The following CNTNAP4 variants were observed in gnomAD, a reference collection of about 807,000 sequenced individuals.
CNTNAP4 encodes contactin-associated protein-like 4.
A neutral mutation model predicts 148.4 loss-of-function variants in CNTNAP4; 98 were observed. That is an observed-to-expected ratio of 0.66 (90% CI 0.56 to 0.78). CNTNAP4 has a LOEUF of 0.78. Among genes scored for constraint, CNTNAP4 ranks in the 30% least tolerant of loss-of-function variants. CNTNAP4 has a pLI of 0.00. For missense variants in CNTNAP4, 1,935 were observed against 1,565.6 expected (o/e 1.24, Z -3.98); for synonymous variants, 730 against 565.1 (o/e 1.29, Z -4.14).
rs898508961 is a variant in CNTNAP4, at chr16:76,326,062, T to C, written c.196+9539T>C. 2.0e-5 allele frequency among the ~76,000 whole-genome samples: 3 copies of C among 152,172 alleles called. No individual in the cohort carries two copies. In the East Asian group the frequency reaches 5.8e-4, roughly 29 times the overall value. On this transcript the variant is annotated intron_variant, in intron 2 of 23. Transcript: ENST00000611870. ...AACATATTTAAGGAAGATATGACTG[T>C]AAACTTACACATTCTCTCCCAGAGA...
chr16:76,330,706 A>C (rs561515631), intron 2 of CNTNAP4, among the ~76,000 whole-genome samples: 3 of 152,342 alleles, frequency 2.0e-5, no homozygotes, highest in Non-Finnish European at 2.9e-5. Flanking sequence ...TATACTTATT[A>C]GATTTGCTCT....
In CNTNAP4 at chr16:76,294,128, C is replaced by G. The variant is rs142648063; in HGVS notation, c.85+16381C>G. On this transcript the variant is annotated intron_variant, in intron 1 of 23. Transcript: ENST00000611870. ...CCCACTCATTCAACTTCTGAAACAG[C>G]TACATGTGAGTTTCTTCTTCCAGTC... Among the ~76,000 whole-genome samples, 7 of 152,198 alleles carry G rather than the reference C, an allele frequency of 4.6e-5. No individual in the cohort carries two copies. The East Asian group carries it at 1.4e-3, about 29-fold the overall frequency.
chr16:76,524,723 C>G (rs895588077), intron 17 of CNTNAP4, among the ~76,000 whole-genome samples: 1 of 152,076 alleles, frequency 6.6e-6, no homozygotes, highest in African/African-American at 2.4e-5. Flanking sequence ...AGGCCTTTGA[C>G]CTCACTGTAT....
chr16:76,509,040 C>T lies in CNTNAP4; in HGVS notation c.2365+10346C>T, dbSNP rs1255094853. On this transcript the variant is annotated intron_variant, in intron 15 of 23. Coordinates refer to ENST00000611870, the MANE Select transcript of CNTNAP4 (RefSeq NM_033401.5). ...TGCTGGGATTACAGGCGTGAGCCACCGTGCCTGGCCAAAATCATAACTTTT... is the reference window on the plus strand; with the variant it reads ...TGCTGGGATTACAGGCGTGAGCCACTGTGCCTGGCCAAAATCATAACTTTT... Among the ~76,000 whole-genome samples, 8 of 97,088 alleles carry T rather than the reference C, an allele frequency of 8.2e-5. 3 individuals are homozygous for T. The highest frequency in any genetic ancestry group is 1.8e-4 in the Non-Finnish European group (6 of 34,252). The allele number at this position is 97,088 out of a possible 152,430, so 63.7% of individuals were successfully genotyped here.
At chr16:76,522,696 CTT>C (rs760832547) in intron 17 of CNTNAP4, among the ~76,000 whole-genome samples, 4,018 of 26,116 alleles carry the variant, frequency 0.15, 698 homozygotes, top group African/African-American at 0.19. Context: ...CCTTTCTTTT[CTT>C]TTCTTTTCTT....
At chr16:76,464,791 A>G (rs571205038) in intron 9 of CNTNAP4, among the ~76,000 whole-genome samples, 45 of 152,062 alleles carry the variant, frequency 3.0e-4, no homozygotes, top group Non-Finnish European at 4.4e-4. Context: ...TCCATCCATC[A>G]CTTTTTACTC....
chr16:76,351,590 G>T (rs1278379012), intron 2 of CNTNAP4, among the ~76,000 whole-genome samples: 2 of 152,120 alleles, frequency 1.3e-5, no homozygotes, highest in African/African-American at 4.8e-5. Flanking sequence ...GAAATTACTT[G>T]GTATAGCCTA....
chr16:76,514,744 A>G (rs57854100), intron 15 of CNTNAP4, among the ~76,000 whole-genome samples: 14,923 of 113,470 alleles, frequency 0.13, 1,200 homozygotes, highest in East Asian at 0.23. Flanking sequence ...GTTGAAAACA[A>G]TAATAGATGT....
intron 17 of CNTNAP4, among the ~76,000 whole-genome samples, chr16:76,532,155 G>A (rs1222860115): frequency 6.6e-6 from 1 of 152,146 alleles, no homozygotes; most frequent in Admixed American, 6.5e-5. Context: ...AGAAAGAGCT[G>A]CTAAATAAAG....
intron 10 of CNTNAP4, 61 bp from the exon 11 acceptor site, chr16:76,475,878 G>T: frequency 8.8e-7 from 1 of 1,131,986 alleles, no homozygotes; most frequent in South Asian, 1.3e-5. Context: ...AAGTATAAAT[G>T]GTCAATACTT....
intron 21 of CNTNAP4, among the ~76,000 whole-genome samples, chr16:76,544,885 G>C (rs1003023895): frequency 5.3e-5 from 8 of 152,176 alleles, no homozygotes; most frequent in African/African-American, 1.9e-4. Context: ...TGTAAATAAA[G>C]TGTGTAGGCA....
intron 3 of CNTNAP4, among the ~76,000 whole-genome samples, chr16:76,385,088 A>C (rs2016386439): frequency 6.6e-6 from 1 of 152,240 alleles, no homozygotes; most frequent in Admixed American, 6.5e-5. Flanking sequence ...GAAACAGTTT[A>C]CATGACAGGA....
intron 1 of CNTNAP4, among the ~76,000 whole-genome samples, chr16:76,288,580 C>A (rs1053532302): frequency 6.6e-6 from 1 of 152,160 alleles, no homozygotes; most frequent in Admixed American, 6.5e-5. Flanking sequence ...AATTTCATAG[C>A]ACTTCAAATG....
Position 76,498,496 on chromosome 16 carries a change from A to G in CNTNAP4, c.2238-71A>G, listed in dbSNP as rs576051524. On this transcript the variant is annotated intron_variant, in intron 14 of 23. Transcript: ENST00000611870. ...TGTAGGTGCAAATTTAGTTCAGAAC[A>G]TCTTGGTTTTGCAATGCAATAAGGA... 7.7e-5 allele frequency: 106 copies of G among 1,383,528 alleles called. No individual in the cohort carries two copies. In the African/African-American group the frequency reaches 1.4e-3, roughly 18 times the overall value. 85.7% of individuals were successfully genotyped at this position (1,383,528 alleles called of 1,614,324 possible).
intron 21 of CNTNAP4, among the ~76,000 whole-genome samples, chr16:76,548,295 CTTTTTT>C (rs66981960): frequency 1.6e-4 from 15 of 92,934 alleles, no homozygotes; most frequent in East Asian, 7.2e-4. Context: ...TTCACTGCAC[CTTTTTT>C]TTTTTTTTTT....
intron 7 of CNTNAP4, among the ~76,000 whole-genome samples, chr16:76,450,555 A>G (rs930426717): frequency 6.6e-6 from 1 of 152,224 alleles, no homozygotes; most frequent in African/African-American, 2.4e-5. Context: ...AGACATTTGA[A>G]AAACTTGTAT....
Position 76,449,895 on chromosome 16 carries a change from A to G in CNTNAP4, c.1071+37A>G, listed in dbSNP as rs142301936. The G allele has an allele frequency of 7.7e-4, 1,196 of 1,547,380 alleles. 7 individuals are homozygous for G. In the African/African-American group the frequency reaches 0.015, roughly 19 times the overall value. ...TATGCGAAGACATTAGTAAAACTAT[A>G]TTTCTTTTTTCCACACAGTAAAATT... On this transcript the variant is annotated intron_variant, in intron 7 of 23. Transcript: ENST00000611870.
chr16:76,278,785 AT>A (rs1385954948), intron 1 of CNTNAP4, among the ~76,000 whole-genome samples: 1 of 152,202 alleles, frequency 6.6e-6, no homozygotes, highest in Non-Finnish European at 1.5e-5. Flanking sequence ...GTAATCAGAC[AT>A]TTGCTATGGC....
At chr16:76,515,036 A>AT (rs1468167517) in intron 15 of CNTNAP4, among the ~76,000 whole-genome samples, 3 of 152,168 alleles carry the variant, frequency 2.0e-5, no homozygotes, top group East Asian at 1.9e-4. Context: ...AAATCTAAAC[A>AT]TTTTTTAGAC....
Sources: allele counts gnomAD v4.1 joint callset (sites outside exome capture counted in the v4.1 genomes callset), GRCh38; gene constraint gnomAD v4.1.1; transcripts MANE v1.5; gene names NCBI Gene and HGNC (gene_info 2026-07-23, HGNC 2026-07-21).